The following CRISPLD2 variants were observed in gnomAD, a reference collection of about 807,000 sequenced individuals.
CRISPLD2 encodes the protein cysteine rich secretory protein LCCL domain containing 2.
In CRISPLD2, 47 loss-of-function variants were observed where a neutral mutation model predicts 71.1. That is an observed-to-expected ratio of 0.66 (90% CI 0.52 to 0.84). The LOEUF (loss-of-function observed/expected upper bound fraction) is 0.84, where lower values mean the gene tolerates loss of function less well. Ranked by LOEUF, CRISPLD2 falls within the 40% of genes least tolerant of loss-of-function variation. The pLI, the probability that CRISPLD2 is intolerant of heterozygous loss-of-function variation, is 0.00. For missense variants in CRISPLD2, 830 were observed against 651.1 expected, an observed-to-expected ratio of 1.27 and a Z score of -2.99; for synonymous variants, 317 against 250.1, an observed-to-expected ratio of 1.27 and a Z score of -2.52.
intron 5 of CRISPLD2, among the ~76,000 whole-genome samples, chr16:84,853,677 C>G (rs924105715): frequency 6.6e-6 from 1 of 152,232 alleles, no homozygotes; most frequent in Admixed American, 6.5e-5. Flanking sequence ...CCCTCCCCAT[C>G]TTCCCTGGAA....
chr16:84,891,392 C>T (rs1341967296), intron 14 of CRISPLD2, among the ~76,000 whole-genome samples: 1 of 152,276 alleles, frequency 6.6e-6, no homozygotes, highest in African/African-American at 2.4e-5. Context: ...CGTGCCCATT[C>T]TTCCCGGGAC....
At chr16:84,893,777 A>G (rs557907965) in intron 14 of CRISPLD2, among the ~76,000 whole-genome samples, 2 of 152,300 alleles carry the variant, frequency 1.3e-5, no homozygotes, top group South Asian at 4.1e-4. Flanking sequence ...TTTAGGTGGG[A>G]TCTCAGCCAC....
chr16:84,844,669 C>T (rs867483655), intron 2 of CRISPLD2, among the ~76,000 whole-genome samples: 7 of 152,186 alleles, frequency 4.6e-5, no homozygotes, highest in South Asian at 4.2e-4. Context: ...GGCCCATCTC[C>T]GGCACTTTCT....
chr16:84,868,874 A>G lies in CRISPLD2; in HGVS notation c.877A>G (p.Lys293Glu), dbSNP rs866428176. 4 of 1,611,392 alleles carry G rather than the reference A, an allele frequency of 2.5e-6. No individual in the cohort carries two copies. The highest frequency in any genetic ancestry group is 3.4e-6 in the Non-Finnish European group (4 of 1,178,930). Reference sequence around the variant, plus strand: ...AGCCCAAGTCGTCAGATGTGACACCAAGATGAAGGACAGGTGCAAAGGGTC... The same window carrying G: ...AGCCCAAGTCGTCAGATGTGACACCGAGATGAAGGACAGGTGCAAAGGGTC... ...YMTQVVRCDT[K>E]MKDRCKGSTC... Residue 293 changes from lysine to glutamate, a missense_variant, in exon 8 of 15, where the codon AAG becomes GAG. Physicochemically the swap from Lys to Glu is moderately conservative, Grantham distance 56 (BLOSUM62 1). Transcript: ENST00000262424.
intron 14 of CRISPLD2, among the ~76,000 whole-genome samples, chr16:84,900,796 A>G (rs2071746763): frequency 6.6e-6 from 1 of 152,120 alleles, no homozygotes; most frequent in Non-Finnish European, 1.5e-5. Context: ...TCGCGCTTAT[A>G]ATCCGGGCAC....
chr16:84,833,465 G>T (rs1916536554), intron 1 of CRISPLD2, among the ~76,000 whole-genome samples: 1 of 152,204 alleles, frequency 6.6e-6, no homozygotes, highest in African/African-American at 2.4e-5. Context: ...TGGCTGAGTG[G>T]ACAGGATGCA....
At chr16:84,822,188 C>T (rs1426249184) in intron 1 of CRISPLD2, among the ~76,000 whole-genome samples, 6 of 146,846 alleles carry the variant, frequency 4.1e-5, no homozygotes, top group Non-Finnish European at 6.2e-5. Flanking sequence ...TACTGAGAGC[C>T]CCGTCCCAGG....
At chr16:84,853,520 C>G (rs1386587561) in intron 5 of CRISPLD2, among the ~76,000 whole-genome samples, 1 of 152,232 alleles carries the variant, frequency 6.6e-6, no homozygotes, top group Non-Finnish European at 1.5e-5. Flanking sequence ...GCACGGCCCA[C>G]TGTCCCTCCC....
intron 14 of CRISPLD2, among the ~76,000 whole-genome samples, chr16:84,903,888 A>G (rs1468345201): frequency 6.6e-6 from 1 of 152,136 alleles, no homozygotes; most frequent in Non-Finnish European, 1.5e-5. Context: ...TGAGCCTGGG[A>G]CCGCTCCTGT....
At chr16:84,854,452 G>A (rs993686174) in intron 5 of CRISPLD2, among the ~76,000 whole-genome samples, 1 of 152,134 alleles carries the variant, frequency 6.6e-6, no homozygotes, top group Non-Finnish European at 1.5e-5. Flanking sequence ...TGGAAGGGGG[G>A]CCACGGGGCT....
intron 2 of CRISPLD2, chr16:84,839,630 C>T (rs1385380614): frequency 6.6e-6 from 1 of 152,456 alleles, no homozygotes; most frequent in Admixed American, 6.5e-5. Flanking sequence ...GATGCTGCTA[C>T]TTGACCCCAA....
At chr16:84,882,649 C>T (rs1034461669) in intron 13 of CRISPLD2, among the ~76,000 whole-genome samples, 1 of 152,210 alleles carries the variant, frequency 6.6e-6, no homozygotes, top group Non-Finnish European at 1.5e-5. Flanking sequence ...AGGTGATCCA[C>T]CCACCTTGGC....
chr16:84,820,639 C>T (rs6564080), intron 1 of CRISPLD2, among the ~76,000 whole-genome samples: 103,658 of 152,076 alleles, frequency 0.68, 36,317 homozygotes, highest in Non-Finnish European at 0.73. Context: ...CTTCTTCCCA[C>T]ATTTCAGATG....
At chr16:84,883,669 A>C (rs8059954) in intron 13 of CRISPLD2, among the ~76,000 whole-genome samples, 35,379 of 152,008 alleles carry the variant, frequency 0.23, 4,351 homozygotes, top group African/African-American at 0.3. Context: ...TCCCAGGTGA[A>C]CCTGCTGGTC....
chr16:84,900,735 CA>C (rs982238118), intron 14 of CRISPLD2, among the ~76,000 whole-genome samples: 5 of 152,112 alleles, frequency 3.3e-5, no homozygotes, highest in African/African-American at 1.2e-4. Flanking sequence ...CCATGGACAA[CA>C]ATGACATTGT....
At chr16:84,828,846 A>C (rs530978807) in intron 1 of CRISPLD2, among the ~76,000 whole-genome samples, 2 of 152,282 alleles carry the variant, frequency 1.3e-5, no homozygotes, top group East Asian at 1.9e-4. Flanking sequence ...AACAATGAAA[A>C]GCATTGTATA....
At chr16:84,827,574 TTC>T (rs1467688697) in intron 1 of CRISPLD2, among the ~76,000 whole-genome samples, 187 of 141,356 alleles carry the variant, frequency 1.3e-3, no homozygotes, top group Non-Finnish European at 2.2e-3. Context: ...TTTTTTTTTT[TTC>T]TTTTTTCTGA....
intron 3 of CRISPLD2, among the ~76,000 whole-genome samples, chr16:84,846,904 C>G (rs1916929965): frequency 6.6e-6 from 1 of 152,220 alleles, no homozygotes; most frequent in Non-Finnish European, 1.5e-5. Flanking sequence ...GACCATGTAT[C>G]CGTGCTCCCA....
chr16:84,888,952 T>C (rs1031229818), intron 13 of CRISPLD2, among the ~76,000 whole-genome samples: 2 of 152,248 alleles, frequency 1.3e-5, no homozygotes, highest in Non-Finnish European at 2.9e-5. Context: ...GCAAGGTCTT[T>C]ATCTTGTTCC....
Sources: allele counts gnomAD v4.1 joint callset (sites outside exome capture counted in the v4.1 genomes callset), GRCh38; gene constraint gnomAD v4.1.1; transcripts MANE v1.5; gene names NCBI Gene and HGNC (gene_info 2026-07-23, HGNC 2026-07-21).